MCPH1: variants seen among roughly 807,000 people sequenced by gnomAD.
The protein encoded by MCPH1 is microcephalin.
MCPH1 carries 104 observed loss-of-function variants against 84.5 expected under a neutral mutation model. The observed-to-expected ratio is 1.23, with a 90% CI of 1.05 to 1.45. The LOEUF (loss-of-function observed/expected upper bound fraction) is 1.45, where lower values mean the gene tolerates loss of function less well. MCPH1 is among the 40% of genes most tolerant of loss of function. MCPH1 has a pLI of 0.00. For missense variants in MCPH1, 1,498 were observed against 1,005.7 expected (o/e 1.49, Z -6.62); for synonymous variants, 514 against 366.8 (o/e 1.40, Z -4.58).
At chr8:6,635,736 C>T (rs149793300) in intron 13 of MCPH1, among the ~76,000 whole-genome samples, 19 of 152,324 alleles carry the variant, frequency 1.2e-4, no homozygotes, top group East Asian at 3.9e-4. Context: ...AATGCCTCCT[C>T]GTCCCCAGAG....
chr8:6,468,179 C>T (rs1283344430), intron 9 of MCPH1, among the ~76,000 whole-genome samples: 2 of 152,190 alleles, frequency 1.3e-5, no homozygotes, highest in South Asian at 2.1e-4. Flanking sequence ...ACCCTGCCTG[C>T]ACCTCACGGT....
Position 6,452,097 on chromosome 8 carries a change from T to A in MCPH1, c.1826-3046T>A, listed in dbSNP as rs943630239. Reference sequence around the variant, plus strand: ...TCCTACAGTCTTTTCATCGTCCACTTCTTCATCTCTCCCTTTCCTAGTATT... The same window carrying A: ...TCCTACAGTCTTTTCATCGTCCACTACTTCATCTCTCCCTTTCCTAGTATT... On this transcript the variant is annotated intron_variant, in intron 8 of 13. Transcript: ENST00000344683. 2.0e-5 allele frequency among the ~76,000 whole-genome samples: 3 copies of A among 152,216 alleles called. No homozygotes were observed. In the South Asian group the frequency reaches 6.2e-4, roughly 31 times the overall value.
intron 4 of MCPH1, 134 bp from the exon 5 acceptor site, chr8:6,435,914 G>C (rs758765485): frequency 1.4e-5 from 14 of 1,007,890 alleles, no homozygotes; most frequent in Admixed American, 2.7e-5. Flanking sequence ...TTCACATACA[G>C]TGCAAGAAAC....
chr8:6,601,700 CACA>C (rs1191647972), intron 12 of MCPH1, among the ~76,000 whole-genome samples: 8 of 139,364 alleles, frequency 5.7e-5, no homozygotes, highest in Non-Finnish European at 1.0e-4. Context: ...GCATACCACA[CACA>C]ACACACACCA....
intron 12 of MCPH1, among the ~76,000 whole-genome samples, chr8:6,574,327 C>T (rs1252717913): frequency 6.6e-6 from 1 of 152,030 alleles, no homozygotes; most frequent in Non-Finnish European, 1.5e-5. Context: ...CTGGCCTCAT[C>T]GTCTCATGGT....
intron 12 of MCPH1, among the ~76,000 whole-genome samples, chr8:6,614,092 C>A (rs141505042): frequency 1.3e-5 from 2 of 152,100 alleles, no homozygotes; most frequent in Non-Finnish European, 2.9e-5. Flanking sequence ...CACATTGTCA[C>A]GTGTAACTCT....
intron 9 of MCPH1, among the ~76,000 whole-genome samples, chr8:6,465,094 C>T (rs1306249876): frequency 1.3e-5 from 2 of 152,106 alleles, no homozygotes; most frequent in Non-Finnish European, 2.9e-5. Flanking sequence ...CAGCTGCTAG[C>T]TCCTAAGGTC....
intron 12 of MCPH1, among the ~76,000 whole-genome samples, chr8:6,575,345 G>C (rs767242939): frequency 4.6e-5 from 7 of 152,206 alleles, no homozygotes; most frequent in Non-Finnish European, 7.3e-5. Context: ...CAGCAAAGCA[G>C]CTCCATTATG....
intron 12 of MCPH1, among the ~76,000 whole-genome samples, chr8:6,518,191 G>A (rs1052306429): frequency 3.3e-5 from 5 of 152,264 alleles, no homozygotes; most frequent in Admixed American, 6.5e-5. Context: ...CCTCTGCATC[G>A]GTGTCCATGG....
chr8:6,541,948 C>T (rs929363775), intron 12 of MCPH1, among the ~76,000 whole-genome samples: 1 of 148,316 alleles, frequency 6.7e-6, no homozygotes, highest in African/African-American at 2.5e-5. Context: ...GTTGAGGCTG[C>T]AGTGAGCCGT....
In MCPH1 at chr8:6,409,375, G is replaced by A. The variant is rs778863774; in HGVS notation, c.114+5G>A. 16 of 1,601,298 alleles carry A rather than the reference G, an allele frequency of 1.0e-5. No homozygotes were observed. The East Asian group carries it at 2.5e-4, about 25-fold the overall frequency. ...CTTGTGGATATGGGGGCAAAGGTAA[G>A]ACACTTATTTTGCTGTTGATTCATA... is the stretch of plus-strand genomic sequence containing the variant. On this transcript the variant is annotated splice_donor_5th_base_variant and intron_variant, in intron 2 of 13. Transcript: ENST00000344683.
chr8:6,630,775 C>A (rs71525744), intron 13 of MCPH1, among the ~76,000 whole-genome samples: 5,031 of 135,538 alleles, frequency 0.037, 214 homozygotes, highest in East Asian at 0.25. Flanking sequence ...GAGCAAAACT[C>A]TGTCCTAAAA....
At chr8:6,419,424 GA>G (rs1487768824) in intron 3 of MCPH1, among the ~76,000 whole-genome samples, 17 of 151,824 alleles carry the variant, frequency 1.1e-4, no homozygotes, top group Admixed American at 1.1e-3. Context: ...TTTTGAGATG[GA>G]GTCTTGCTCT....
At chr8:6,443,581 A>G (rs1452908872) in intron 7 of MCPH1, among the ~76,000 whole-genome samples, 2 of 152,206 alleles carry the variant, frequency 1.3e-5, no homozygotes, top group Non-Finnish European at 2.9e-5. Context: ...GCACGGGACT[A>G]GAGACTTCTT....
intron 12 of MCPH1, among the ~76,000 whole-genome samples, chr8:6,538,297 A>AC (rs1820874505): frequency 6.6e-6 from 1 of 151,786 alleles, no homozygotes; most frequent in Non-Finnish European, 1.5e-5. Context: ...CACGTTTTCT[A>AC]CCCCCCATGA....
chr8:6,599,354 T>A (rs1829190647), intron 12 of MCPH1, among the ~76,000 whole-genome samples: 1 of 152,224 alleles, frequency 6.6e-6, no homozygotes, highest in Non-Finnish European at 1.5e-5. Flanking sequence ...AGGGACTGCA[T>A]GACGCCAGGC....
At chr8:6,491,687 C>T (rs1376185455) in intron 11 of MCPH1, among the ~76,000 whole-genome samples, 1 of 151,810 alleles carries the variant, frequency 6.6e-6, no homozygotes. Flanking sequence ...CATGTCTTCT[C>T]ATTGTTCAAT....
In MCPH1 at chr8:6,636,504, G is replaced by A. The variant is rs1046973415; in HGVS notation, c.2453-6490G>A. Among the ~76,000 whole-genome samples, 8 of 152,242 alleles carry A rather than the reference G, an allele frequency of 5.3e-5. No individual in the cohort carries two copies. The South Asian group carries it at 1.7e-3, about 32-fold the overall frequency. ...ATTTGTTTGTTTATTTTTTGAAACA[G>A]AGTTTGGCTCTGTTGCCCAGGCTGG... On this transcript the variant is annotated intron_variant, in intron 13 of 13. Coordinates refer to ENST00000344683, the MANE Select transcript of MCPH1 (RefSeq NM_024596.5).
chr8:6,465,733 T>C (rs1244103475), intron 9 of MCPH1, among the ~76,000 whole-genome samples: 1 of 152,164 alleles, frequency 6.6e-6, no homozygotes, highest in African/African-American at 2.4e-5. Flanking sequence ...CAGAGACTCA[T>C]GTTAATAAGT....
Sources: allele counts gnomAD v4.1 joint callset (sites outside exome capture counted in the v4.1 genomes callset), GRCh38; gene constraint gnomAD v4.1.1; transcripts MANE v1.5; gene names NCBI Gene and HGNC (gene_info 2026-07-23, HGNC 2026-07-21).